LTF: variants seen among roughly 807,000 people sequenced by gnomAD.
The protein encoded by LTF is epididymis luminal protein 110.
Under a neutral mutation model 87.2 loss-of-function variants are expected in LTF, and 91 were observed. The ratio of observed to expected loss-of-function variants is 1.04; its 90% CI spans 0.88 to 1.24. The LOEUF (loss-of-function observed/expected upper bound fraction) is 1.24, where lower values mean the gene tolerates loss of function less well. Among genes scored for constraint, LTF ranks in the 50% most tolerant of loss-of-function variants. The pLI, the probability that LTF is intolerant of heterozygous loss-of-function variation, is 0.00. For synonymous variants in LTF, 378 were observed against 356.1 expected (o/e 1.06, Z -0.69); for missense variants, 901 against 904.3 (o/e 1.00, Z 0.05).
intron 1 of LTF, among the ~76,000 whole-genome samples, chr3:46,462,262 C>CA (rs1457491079): frequency 6.6e-6 from 1 of 152,020 alleles, no homozygotes. Flanking sequence ...GGCAAAAATC[C>CA]AAAAAGAGGA....
intron 2 of LTF, among the ~76,000 whole-genome samples, chr3:46,470,050 C>A (rs187777318): frequency 5.9e-5 from 9 of 152,334 alleles, no homozygotes; most frequent in African/African-American, 1.9e-4. Flanking sequence ...GCTGGCTTCT[C>A]CAAAGACCTG....
In LTF at chr3:46,455,990, C is replaced by A. The variant is rs766533208; in HGVS notation, c.317-12G>T. 6.4e-7 allele frequency: 1 copy of A among 1,553,184 alleles called. No individual in the cohort carries two copies. Among genetic ancestry groups the A allele is most frequent in the Non-Finnish European group, 8.7e-7 (1 of 1,152,222 alleles). On this transcript the variant is annotated splice_polypyrimidine_tract_variant and intron_variant, in intron 3 of 16. Coordinates refer to ENST00000231751, the MANE Select transcript of LTF (RefSeq NM_002343.6). ...GTGAGTTCGTGGCTCTGCAAAGGGGCAGACAGAATTGAAAGTTCTTAGCCT... is the reference window on the plus strand; with the variant it reads ...GTGAGTTCGTGGCTCTGCAAAGGGGAAGACAGAATTGAAAGTTCTTAGCCT...
intron 1 of LTF, among the ~76,000 whole-genome samples, chr3:46,482,659 A>AGAAAGAAAGAAAGAAAGAAG (rs1553668626): frequency 2.2e-4 from 13 of 60,256 alleles, no homozygotes; most frequent in East Asian, 6.9e-4. Context: ...AAAGAAAGAA[A>AGAAAGAAAGAAAGAAAGAAG]GAAGGAAGGA....
chr3:46,464,134 A>G (rs1703154136), intron 1 of LTF, among the ~76,000 whole-genome samples: 1 of 152,130 alleles, frequency 6.6e-6, no homozygotes, highest in Non-Finnish European at 1.5e-5. Flanking sequence ...CATTTAGGTC[A>G]CTAATGTGCA....
At chr3:46,436,697 G>T (rs1220761405) in intron 16 of LTF, among the ~76,000 whole-genome samples, 1 of 152,214 alleles carries the variant, frequency 6.6e-6, no homozygotes, top group Non-Finnish European at 1.5e-5. Flanking sequence ...GAAGCATGTG[G>T]TCTATGCAGT....
chr3:46,479,736 T>C (rs1703408324), intron 1 of LTF, among the ~76,000 whole-genome samples: 1 of 152,084 alleles, frequency 6.6e-6, no homozygotes, highest in Admixed American at 6.6e-5. Flanking sequence ...GGCTGGTTTC[T>C]AGGCTGGTCT....
chr3:46,455,602 G>A (rs188479107), intron 4 of LTF, among the ~76,000 whole-genome samples, 160 bp from the exon 5 acceptor site: 2 of 152,352 alleles, frequency 1.3e-5, no homozygotes, highest in Admixed American at 6.5e-5. Flanking sequence ...CACCTCTGCC[G>A]AGAGCAGACT....
At chr3:46,459,877 G>C in intron 1 of LTF, 58 bp from the exon 2 acceptor site, 1 of 1,314,256 alleles carries the variant, frequency 7.6e-7, no homozygotes, top group Non-Finnish European at 1.0e-6. Context: ...CGTGACCACC[G>C]CACCCTCTGA....
chr3:46,483,219 G>A (rs940336379), intron 1 of LTF, among the ~76,000 whole-genome samples: 6 of 152,210 alleles, frequency 3.9e-5, no homozygotes, highest in Non-Finnish European at 7.3e-5. Context: ...CCCTGACAAT[G>A]TTAACAGCCA....
chr3:46,438,961 T>C (rs756718976), intron 15 of LTF, among the ~76,000 whole-genome samples: 1 of 152,022 alleles, frequency 6.6e-6, no homozygotes, highest in Non-Finnish European at 1.5e-5. Flanking sequence ...ACTATACTAA[T>C]GCATGTGGGA....
At chr3:46,457,811 G>A (rs142428266) in intron 2 of LTF, among the ~76,000 whole-genome samples, 284 of 151,794 alleles carry the variant, frequency 1.9e-3, no homozygotes, top group Non-Finnish European at 3.4e-3. Context: ...TTTTTCGAGC[G>A]GAGTCACCCA....
intron 7 of LTF, 90 bp from the exon 8 acceptor site, chr3:46,450,118 G>A (rs552038710): frequency 9.0e-7 from 1 of 1,112,376 alleles, no homozygotes; most frequent in Admixed American, 2.4e-5. Context: ...GGAGCTTTGG[G>A]ATCATTCTAA....
At chr3:46,438,376 T>C (rs1036302934) in intron 15 of LTF, among the ~76,000 whole-genome samples, 10 of 152,224 alleles carry the variant, frequency 6.6e-5, no homozygotes, top group Non-Finnish European at 1.3e-4. Context: ...ATCTGCCATC[T>C]TTCCTTCCTT....
At chr3:46,439,190 G>A in intron 15 of LTF, 106 bp downstream of exon 15, 1 of 1,047,128 alleles carries the variant, frequency 9.5e-7, no homozygotes, top group South Asian at 1.7e-5. Flanking sequence ...GCTTCAAGTA[G>A]AGGACTAGAG....
At chr3:46,450,348 C>T in intron 7 of LTF, 147 bp downstream of exon 7, 4 of 841,418 alleles carry the variant, frequency 4.8e-6, no homozygotes, top group Non-Finnish European at 7.6e-6. Context: ...GTCCACAGTA[C>T]AGCCTGGGCA....
chr3:46,482,671 G>A (rs199868124), intron 1 of LTF, among the ~76,000 whole-genome samples: 1,125 of 44,256 alleles, frequency 0.025, 14 homozygotes, highest in East Asian at 0.086. Flanking sequence ...AAGGAAGGAA[G>A]GAAGGAAGGA....
upstream of LTF, among the ~76,000 whole-genome samples, chr3:46,465,684 C>T (rs1172115269): frequency 1.3e-5 from 2 of 151,892 alleles, no homozygotes; most frequent in Non-Finnish European, 2.9e-5. Flanking sequence ...ATGGTAACCT[C>T]ATTTTAACAA....
chr3:46,480,349 C>T (rs1703416789), intron 1 of LTF, among the ~76,000 whole-genome samples: 1 of 152,214 alleles, frequency 6.6e-6, no homozygotes, highest in African/African-American at 2.4e-5. Context: ...TTGGACTCCG[C>T]AACCTTCCTA....
rs1702935780 is a variant in LTF, at chr3:46,456,410, G to A, written c.208-12C>T. Reference sequence around the variant, plus strand: ...TCGGCCCTGTTTTCCTGAAAGTAAAGAGGCCAGACTGGCTTCAGCAGAAAA... The same window carrying A: ...TCGGCCCTGTTTTCCTGAAAGTAAAAAGGCCAGACTGGCTTCAGCAGAAAA... On this transcript the variant is annotated splice_polypyrimidine_tract_variant and intron_variant, in intron 2 of 16. Coordinates refer to ENST00000231751, the MANE Select transcript of LTF (RefSeq NM_002343.6). 1 of 1,609,574 alleles carries A rather than the reference G, an allele frequency of 6.2e-7. No individual in the cohort carries two copies. Among genetic ancestry groups the A allele is most frequent in the African/African-American group, 1.3e-5 (1 of 74,936 alleles).
Sources: allele counts gnomAD v4.1 joint callset (sites outside exome capture counted in the v4.1 genomes callset), GRCh38; gene constraint gnomAD v4.1.1; transcripts MANE v1.5; gene names NCBI Gene and HGNC (gene_info 2026-07-23, HGNC 2026-07-21).